Variants in S100A16 observed in about 807,000 individuals in gnomAD.
S100A16 encodes the protein S100 calcium binding protein A16.
A neutral mutation model predicts 9.0 loss-of-function variants in S100A16; 8 were observed. The ratio of observed to expected loss-of-function variants is 0.89; its 90% CI spans 0.52 to 1.60. The LOEUF (loss-of-function observed/expected upper bound fraction) is 1.60, where lower values mean the gene tolerates loss of function less well. S100A16 is among the 40% of genes most tolerant of loss of function. The pLI, the probability that S100A16 is intolerant of heterozygous loss-of-function variation, is 0.00. For synonymous variants in S100A16, 51 were observed against 51.4 expected, an observed-to-expected ratio of 0.99 and a Z score of 0.04; for missense variants, 138 against 132.4, an observed-to-expected ratio of 1.04 and a Z score of -0.21.
At position 153,608,094 on chromosome 1, in the gene S100A16, A is replaced by G. The variant is rs754442031; in HGVS notation, c.58T>C (p.Tyr20His). 3.1e-6 allele frequency: 5 copies of G among 1,613,944 alleles called. No individual in the cohort carries two copies. The African/African-American group carries it at 6.7e-5, about 22-fold the overall frequency. Residue 20 changes from tyrosine to histidine, a missense_variant, in exon 2 of 3, where the codon TAC (tyrosine) becomes CAC (histidine). By Grantham distance (83) the Tyr-to-His change is moderately conservative. Coordinates refer to ENST00000368706, the MANE Select transcript of S100A16 (RefSeq NM_080388.3). Reference sequence around the variant, plus strand: ...AGGCTGTACTTAGACACATATTTGTAGAAGTTTTCCACCAGGACAATGACT... The same window carrying G: ...AGGCTGTACTTAGACACATATTTGTGGAAGTTTTCCACCAGGACAATGACT... Reference protein sequence around the residue: ...KAVIVLVENFYKYVSKYSLVK... With the variant: ...KAVIVLVENFHKYVSKYSLVK...
rs761832216 is a variant in S100A16, at chr1:153,607,694, T to G, written c.154-2A>C. On this transcript the variant is annotated splice_acceptor_variant, in intron 2 of 2. Transcript: ENST00000368706. LOFTEE classifies it high-confidence loss of function. Reference sequence around the variant, plus strand: ...CGCAGCCTTCCGGTTCCCTGTGTCCTGGGGAGGAAGCAGGGTCAGCAATGC... The same window carrying G: ...CGCAGCCTTCCGGTTCCCTGTGTCCGGGGGAGGAAGCAGGGTCAGCAATGC... The G allele has an allele frequency of 1.9e-6, 3 of 1,614,130 alleles. No individual in the cohort carries two copies. The highest frequency in any genetic ancestry group is 3.3e-5 in the Admixed American group (2 of 60,022).
chr1:153,607,261 T>C lies in S100A16; in HGVS notation c.*273A>G, dbSNP rs1207960936. 1 of 543,776 alleles carries C rather than the reference T, an allele frequency of 1.8e-6. No homozygotes were observed. The highest frequency in any genetic ancestry group is 3.3e-6 in the Non-Finnish European group (1 of 301,784). The allele number at this position is 543,776 out of a possible 1,614,324, so 33.7% of individuals were successfully genotyped here. A position where few individuals can be genotyped will look rare whatever the true frequency, so the allele number is the denominator to read the frequency against. ...GGAAGGTTAGATGAGACTGAACAGG[T>C]GAGAAAACTCTTAGGGTCCCCAGAC... is the stretch of plus-strand genomic sequence containing the variant. On this transcript the variant is annotated 3_prime_UTR_variant, in exon 3 of 3. Coordinates refer to ENST00000368706, the MANE Select transcript of S100A16 (RefSeq NM_080388.3).
chr1:153,609,541 G>T (rs1442917498), intron 1 of S100A16, among the ~76,000 whole-genome samples: 1 of 152,168 alleles, frequency 6.6e-6, no homozygotes, highest in Non-Finnish European at 1.5e-5. Context: ...TGTCTTTCTG[G>T]GTCCTGTCTT....
chr1:153,608,199 G>C (rs1178272538), intron 1 of S100A16, 22 bp from the exon 2 acceptor site: 1 of 1,603,350 alleles, frequency 6.2e-7, no homozygotes. Context: ...GAGGAGGGGA[G>C]ATGAGAAGAG....
chr1:153,611,803 T>C (rs1482878242), intron 1 of S100A16, among the ~76,000 whole-genome samples: 1 of 152,076 alleles, frequency 6.6e-6, no homozygotes, highest in Non-Finnish European at 1.5e-5. Flanking sequence ...CTTTCTCCAA[T>C]TCCACAAGGC....
At position 153,609,019 on chromosome 1, in the gene S100A16, G is replaced by A. The variant is rs188258351; in HGVS notation, c.-26-842C>T. On this transcript the variant is annotated intron_variant, in intron 1 of 2. Transcript: ENST00000368706. ...CCAGGACAAAAGACACTTTCTAAGC[G>A]GATACAGCCTTCTGAATAACAGGAT... 4.6e-4 allele frequency: 450 copies of A among 985,670 alleles called. 2 individuals carry two copies. The African/African-American group carries it at 7.2e-3, about 16-fold the overall frequency. 61.1% of individuals were successfully genotyped at this position (985,670 alleles called of 1,614,324 possible). A position where few individuals can be genotyped will look rare whatever the true frequency, so the allele number is the denominator to read the frequency against.
rs1289317635 is a variant in S100A16 at position 153,607,710 on chromosome 1, T to G, written c.154-18A>C. 3.7e-6 allele frequency: 6 copies of G among 1,613,854 alleles called. No homozygotes were observed. The highest frequency in any genetic ancestry group is 5.1e-6 in the Non-Finnish European group (6 of 1,179,926). On this transcript the variant is annotated intron_variant, in intron 2 of 2. Transcript: ENST00000368706. ...CCTGTGTCCTGGGGAGGAAGCAGGG[T>G]CAGCAATGCTGATGGTGGAAGCCCC...
intron 1 of S100A16, among the ~76,000 whole-genome samples, 185 bp downstream of exon 1, chr1:153,612,767 C>A (rs1353523164): frequency 6.6e-6 from 1 of 151,674 alleles, no homozygotes; most frequent in East Asian, 1.9e-4. Context: ...AGCCCCCAAC[C>A]CCCCAGGACT....
At position 153,607,698 on chromosome 1, in the gene S100A16, G is replaced by A. The variant is rs1457401820; in HGVS notation, c.154-6C>T. The A allele has an allele frequency of 6.2e-7, 1 of 1,614,040 alleles. No individual in the cohort carries two copies. On this transcript the variant is annotated splice_polypyrimidine_tract_variant and splice_region_variant and intron_variant, in intron 2 of 2. Transcript: ENST00000368706. ...GCCTTCCGGTTCCCTGTGTCCTGGG[G>A]AGGAAGCAGGGTCAGCAATGCTGAT...
Position 153,607,468 on chromosome 1 carries a change from G to T in S100A16, c.*66C>A, listed in dbSNP as rs1260455486. The stretch of plus-strand genomic sequence containing the variant: ...CTGGGTGGGCAGGAGGCTGAGGAGG[G>T]AGCCTGGGGAGAGCACCAGGGCGGG... On this transcript the variant is annotated 3_prime_UTR_variant, in exon 3 of 3. Transcript: ENST00000368706. The T allele has an allele frequency of 6.3e-7, 1 of 1,588,666 alleles. No homozygotes were observed. Among genetic ancestry groups the T allele is most frequent in the African/African-American group, 1.3e-5 (1 of 74,466 alleles).
chr1:153,607,006 C>T lies in S100A16; in HGVS notation c.*528G>A, dbSNP rs1666703632. The T allele has an allele frequency of 3.3e-6, 1 of 299,902 alleles. No homozygotes were observed. Among genetic ancestry groups the T allele is most frequent in the South Asian group, 3.0e-5 (1 of 33,786 alleles). 18.6% of individuals were successfully genotyped at this position (299,902 alleles called of 1,614,324 possible). ...CAGGAGGAGGCTCAGCCTTGCTTAGCTCATTCCCAGATGAAGAGGCAGCTG... is the reference window on the plus strand; with the variant it reads ...CAGGAGGAGGCTCAGCCTTGCTTAGTTCATTCCCAGATGAAGAGGCAGCTG... On this transcript the variant is annotated 3_prime_UTR_variant, in exon 3 of 3. Coordinates refer to ENST00000368706, the MANE Select transcript of S100A16 (RefSeq NM_080388.3).
chr1:153,608,805 C>A, intron 1 of S100A16: 2 of 525,494 alleles, frequency 3.8e-6, no homozygotes, highest in Non-Finnish European at 4.9e-6. Context: ...GCTCTCCCAA[C>A]ACACCCCGCC....
intron 2 of S100A16, 57 bp from the exon 3 acceptor site, chr1:153,607,749 G>C: frequency 6.2e-7 from 1 of 1,601,570 alleles, no homozygotes. Flanking sequence ...GAGACTCCAG[G>C]CAGGACCCTA....
intron 1 of S100A16, chr1:153,609,325 A>T (rs969890776): frequency 3.0e-6 from 3 of 985,828 alleles, no homozygotes; most frequent in Non-Finnish European, 3.6e-6. Context: ...TCCGTTGGCC[A>T]CTTGTGGCCA....
chr1:153,612,475 C>T (rs1666859501), intron 1 of S100A16, among the ~76,000 whole-genome samples: 1 of 152,082 alleles, frequency 6.6e-6, no homozygotes, highest in African/African-American at 2.4e-5. Context: ...CCTCAGCCCC[C>T]GCCTCCTCTT....
rs1396374195 is a variant in S100A16, at chr1:153,608,122, C to T, written c.30G>A (p.Lys10=). 2 of 1,613,912 alleles carry T rather than the reference C, an allele frequency of 1.2e-6. No individual in the cohort carries two copies. The highest frequency in any genetic ancestry group is 1.3e-5 in the African/African-American group (1 of 74,910). MSDCYTELE[K]AVIVLVENFY... ...AGTTTTCCACCAGGACAATGACTGCCTTCTCCAGCTCCGTGTAGCAGTCTG... is the reference window on the plus strand; with the variant it reads ...AGTTTTCCACCAGGACAATGACTGCTTTCTCCAGCTCCGTGTAGCAGTCTG... The change falls in exon 2 of 3, where the codon AAG becomes AAA. Residue 10 remains lysine, a synonymous_variant. Transcript: ENST00000368706.
rs1666870681 is a variant in S100A16 at position 153,612,944 on chromosome 1, G to A, written c.-27+8C>T. On this transcript the variant is annotated splice_region_variant and intron_variant, in intron 1 of 2. Transcript: ENST00000368706. The stretch of plus-strand genomic sequence containing the variant: ...GAAGACCTCCCAGGCCGGGCCCAGG[G>A]TGCTCACCTGCTGCCTCAGTCTGCC... The A allele has an allele frequency of 6.5e-6, 1 of 152,746 alleles. No individual in the cohort carries two copies. Among genetic ancestry groups the A allele is most frequent in the Non-Finnish European group, 1.5e-5 (1 of 68,496 alleles). 9.5% of individuals were successfully genotyped at this position (152,746 alleles called of 1,614,324 possible).
chr1:153,607,515 G>T lies in S100A16; in HGVS notation c.*19C>A. Reference sequence around the variant, plus strand: ...CGGGGCATCAGGCCAGTGCCTGGAAGGTGTGGCCAAAGGGGTCTCTAGCTG... The same window carrying T: ...CGGGGCATCAGGCCAGTGCCTGGAATGTGTGGCCAAAGGGGTCTCTAGCTG... On this transcript the variant is annotated 3_prime_UTR_variant, in exon 3 of 3. Transcript: ENST00000368706. 6.2e-7 allele frequency: 1 copy of T among 1,613,898 alleles called. No homozygotes were observed. Among genetic ancestry groups the T allele is most frequent in the Non-Finnish European group, 8.5e-7 (1 of 1,179,980 alleles).
Position 153,608,028 on chromosome 1 carries a change from G to C in S100A16, c.124C>G (p.Leu42Val), listed in dbSNP as rs1417117194. 2.2e-5 allele frequency: 35 copies of C among 1,614,036 alleles called. No individual in the cohort carries two copies. The highest frequency in any genetic ancestry group is 3.0e-5 in the Non-Finnish European group (35 of 1,179,948). The part of the protein sequence containing the change: ...KISKSSFREM[L>V]QKELNHMLSD... Reference sequence around the variant, plus strand: ...AGCATGTGGTTCAGCTCTTTCTGGAGCATCTCGCGGAAGCTGCTCTTGCTG... The same window carrying C: ...AGCATGTGGTTCAGCTCTTTCTGGACCATCTCGCGGAAGCTGCTCTTGCTG... Residue 42 changes from leucine to valine, a missense_variant, in exon 2 of 3, where the codon CTC becomes GTC. Coordinates refer to ENST00000368706, the MANE Select transcript of S100A16 (RefSeq NM_080388.3).
Sources: gnomAD v4.1 joint callset for allele counts (sites outside exome capture counted in the v4.1 genomes callset) on GRCh38, gnomAD v4.1.1 for gene constraint, MANE v1.5 for transcripts, NCBI Gene and HGNC (gene_info 2026-07-23, HGNC 2026-07-21) for gene names.